Variants in DNAJC3 observed in about 807,000 individuals in gnomAD.
The protein encoded by DNAJC3 is dnaJ homolog subfamily C member 3.
A neutral mutation model predicts 68.6 loss-of-function variants in DNAJC3; 38 were observed. The ratio of observed to expected loss-of-function variants is 0.55; its 90% confidence interval spans 0.43 to 0.73. The LOEUF (loss-of-function observed/expected upper bound fraction) is 0.73. Ranked by LOEUF, DNAJC3 falls within the 30% of genes least tolerant of loss-of-function variation. The pLI, the probability that DNAJC3 is intolerant of heterozygous loss-of-function variation, is 0.00. For synonymous variants in DNAJC3, 203 were observed against 204.0 expected (o/e 1.00, Z 0.04); for missense variants, 526 against 591.9 (o/e 0.89, Z 1.16).
chr13:95,711,448 A>G (rs1399653026), intron 2 of DNAJC3, among the ~76,000 whole-genome samples: 1 of 152,188 alleles, frequency 6.6e-6, no homozygotes, highest in African/African-American at 2.4e-5. Flanking sequence ...CAGTGAGCCA[A>G]GATCGCACCA....
intron 1 of DNAJC3, chr13:95,692,847 G>A (rs991418617): frequency 6.7e-6 from 1 of 148,540 alleles, no homozygotes; most frequent in African/African-American, 2.5e-5. Flanking sequence ...TTGAGACGGA[G>A]TCTTGATCTT....
chr13:95,724,464 A>T (rs1042980380), intron 3 of DNAJC3, among the ~76,000 whole-genome samples: 2 of 152,214 alleles, frequency 1.3e-5, no homozygotes, highest in African/African-American at 4.8e-5. Context: ...AGTCATTGGT[A>T]AAGTCCCAAC....
intron 2 of DNAJC3, among the ~76,000 whole-genome samples, chr13:95,713,349 TCAA>T (rs1025061403): frequency 6.2e-4 from 94 of 152,182 alleles, no homozygotes; most frequent in Admixed American, 3.6e-3. Flanking sequence ...GATAACAAAT[TCAA>T]CATACTTTTG....
chr13:95,790,150 A>G (rs1347005500), intron 11 of DNAJC3, among the ~76,000 whole-genome samples: 10 of 152,276 alleles, frequency 6.6e-5, no homozygotes, highest in Middle Eastern at 6.8e-3. Context: ...TTGCAATTTC[A>G]TGATGGAAAC....
At chr13:95,769,902 T>G (rs763879453) in intron 9 of DNAJC3, among the ~76,000 whole-genome samples, 1 of 152,166 alleles carries the variant, frequency 6.6e-6, no homozygotes, top group Admixed American at 6.5e-5. Context: ...GAGCGTAATA[T>G]GTAGGTGAGG....
At chr13:95,756,459 A>T (rs1882664274) in intron 4 of DNAJC3, among the ~76,000 whole-genome samples, 1 of 152,240 alleles carries the variant, frequency 6.6e-6, no homozygotes, top group African/African-American at 2.4e-5. Context: ...AGAATAGCTA[A>T]AATAGAATAG....
chr13:95,696,465 A>G (rs1188223469), intron 1 of DNAJC3, among the ~76,000 whole-genome samples: 2 of 152,160 alleles, frequency 1.3e-5, no homozygotes, highest in African/African-American at 4.8e-5. Context: ...ACTAGTGACT[A>G]CCACCCTATT....
intron 4 of DNAJC3, among the ~76,000 whole-genome samples, chr13:95,749,989 G>A (rs140564212): frequency 0.013 from 1,970 of 152,176 alleles, 52 homozygotes; most frequent in African/African-American, 0.046. Flanking sequence ...GGTGGAGGTT[G>A]TAGTGAGCCT....
At chr13:95,701,979 AT>A (rs1880596543) in intron 1 of DNAJC3, among the ~76,000 whole-genome samples, 1 of 152,188 alleles carries the variant, frequency 6.6e-6, no homozygotes, top group Non-Finnish European at 1.5e-5. Context: ...ATTTTAATAC[AT>A]TTGTTTTAAC....
At chr13:95,788,054 A>C (rs971131327) in intron 11 of DNAJC3, among the ~76,000 whole-genome samples, 4 of 152,204 alleles carry the variant, frequency 2.6e-5, no homozygotes, top group South Asian at 2.1e-4. Context: ...AGTGGAATTG[A>C]AAGTAAATGA....
Position 95,725,249 on chromosome 13 carries a change from A to G in DNAJC3, c.390A>G (p.Lys130=), listed in dbSNP as rs1881471265. The change falls in exon 4 of 12, where the codon AAA becomes AAG. Residue 130 remains lysine, a synonymous_variant. Coordinates refer to ENST00000602402, the MANE Select transcript of DNAJC3 (RefSeq NM_006260.5). ...KLDEAEDDFK[K]VLKSNPSENE... is the part of the protein sequence containing the mutation. ...ATGAAGCAGAAGATGATTTTAAAAA[A>G]GTGGTAAGTTCAATATGTATTTGAC... 1.9e-6 allele frequency: 3 copies of G among 1,591,714 alleles called. No homozygotes were observed. The highest frequency in any genetic ancestry group is 1.8e-5 in the Admixed American group (1 of 54,428).
Position 95,677,203 on chromosome 13 carries a change from G to A in DNAJC3, c.-53G>A. Reference sequence around the variant, plus strand: ...GCGCAGCTGCTGCCGGAGCGCCGGCGCGTGCTGGTGGGCCACACACCTTTC... The same window carrying A: ...GCGCAGCTGCTGCCGGAGCGCCGGCACGTGCTGGTGGGCCACACACCTTTC... On this transcript the variant is annotated 5_prime_UTR_variant, in exon 1 of 12. Coordinates refer to ENST00000602402, the MANE Select transcript of DNAJC3 (RefSeq NM_006260.5). 1 of 1,542,086 alleles carries A rather than the reference G, an allele frequency of 6.5e-7. No individual in the cohort carries two copies. Among genetic ancestry groups the A allele is most frequent in the East Asian group, 2.4e-5 (1 of 40,834 alleles).
At chr13:95,757,060 G>A (rs1475855234) in intron 4 of DNAJC3, among the ~76,000 whole-genome samples, 1 of 152,124 alleles carries the variant, frequency 6.6e-6, no homozygotes, top group East Asian at 1.9e-4. Context: ...AAAAGAGGCA[G>A]TGTGCAGATC....
At chr13:95,722,866 A>C (rs1448924484) in intron 2 of DNAJC3, among the ~76,000 whole-genome samples, 5 of 128,160 alleles carry the variant, frequency 3.9e-5, no homozygotes, top group African/African-American at 1.2e-4. Context: ...AGTTGAATAT[A>C]GTTAATATTC....
At chr13:95,728,141 A>G (rs1385867500) in intron 4 of DNAJC3, among the ~76,000 whole-genome samples, 1 of 152,130 alleles carries the variant, frequency 6.6e-6, no homozygotes, top group East Asian at 1.9e-4. Context: ...TTTCTTGGCT[A>G]TTGCAAATAA....
In DNAJC3 at chr13:95,790,750, C is replaced by G. The variant is rs964144189; in HGVS notation, c.1358-123C>G. 14 of 1,138,378 alleles carry G rather than the reference C, an allele frequency of 1.2e-5. No homozygotes were observed. In the African/African-American group the frequency reaches 1.9e-4, roughly 16 times the overall value. 70.5% of individuals were successfully genotyped at this position (1,138,378 alleles called of 1,614,324 possible). A position where few individuals can be genotyped will look rare whatever the true frequency, so the allele number is the denominator to read the frequency against. On this transcript the variant is annotated intron_variant, in intron 11 of 11. Transcript: ENST00000602402. ...CTGGATTTGAATGTCAGGCACAACT[C>G]TTGATAACCGAAAAGTAAGTAGCTC... is the stretch of plus-strand genomic sequence containing the variant.
At position 95,738,605 on chromosome 13, in the gene DNAJC3, G is replaced by A. The variant is rs2139655630; in HGVS notation, c.393+13353G>A. On this transcript the variant is annotated intron_variant, in intron 4 of 11. Transcript: ENST00000602402. ...GCCTTCTTTGTCTCTTTTGATCTTTGTTGGTTTAAAGTCTGTTTTATCAGA... is the reference window on the plus strand; with the variant it reads ...GCCTTCTTTGTCTCTTTTGATCTTTATTGGTTTAAAGTCTGTTTTATCAGA... Among the ~76,000 whole-genome samples the A allele has an allele frequency of 1.3e-5, 2 of 152,142 alleles. 1 individual carries two copies. Among genetic ancestry groups the A allele is most frequent in the Admixed American group, 1.3e-4 (2 of 15,278 alleles).
intron 1 of DNAJC3, chr13:95,694,837 T>C (rs565594847): frequency 2.6e-5 from 4 of 152,752 alleles, no homozygotes; most frequent in African/African-American, 9.6e-5. Flanking sequence ...GCTTCAATAT[T>C]CTTCATCTGC....
intron 4 of DNAJC3, among the ~76,000 whole-genome samples, chr13:95,749,564 G>A (rs760868306): frequency 6.6e-6 from 1 of 152,146 alleles, no homozygotes; most frequent in Non-Finnish European, 1.5e-5. Flanking sequence ...AGAGATTGAT[G>A]GGGAGGGATA....
Sources: allele counts gnomAD v4.1 joint callset (sites outside exome capture counted in the v4.1 genomes callset), GRCh38; gene constraint gnomAD v4.1.1; transcripts MANE v1.5; gene names NCBI Gene and HGNC (gene_info 2026-07-23, HGNC 2026-07-21).